The following TTBK2 variants were observed in gnomAD, a reference collection of about 807,000 sequenced individuals.
TTBK2 encodes tau tubulin kinase 2.
In TTBK2, 28 loss-of-function variants were observed where a neutral mutation model predicts 110.8. The ratio of observed to expected loss-of-function variants is 0.25; its 90% CI spans 0.19 to 0.35. The LOEUF (loss-of-function observed/expected upper bound fraction) is 0.35, where lower values mean the gene tolerates loss of function less well. Ranked by LOEUF, TTBK2 falls within the 10% of genes least tolerant of loss-of-function variation. The pLI is 1.00. For missense variants in TTBK2, 1,369 were observed against 1,500.3 expected (o/e 0.91, Z 1.45); for synonymous variants, 532 against 527.3 (o/e 1.01, Z -0.12).
chr15:42,787,545 G>C (rs1261400815), intron 10 of TTBK2, among the ~76,000 whole-genome samples: 2 of 152,166 alleles, frequency 1.3e-5, no homozygotes, highest in African/African-American at 2.4e-5. Flanking sequence ...ACACAGTGCT[G>C]ACATAGTTGC....
At chr15:42,817,153 G>A in intron 6 of TTBK2, 56 bp from the exon 7 acceptor site, 4 of 1,474,236 alleles carry the variant, frequency 2.7e-6, no homozygotes, top group Non-Finnish European at 2.8e-6. Flanking sequence ...AATACATTCA[G>A]CACACTTGAA....
intron 4 of TTBK2, 83 bp downstream of exon 4, chr15:42,840,277 G>A: frequency 8.5e-7 from 1 of 1,181,372 alleles, no homozygotes; most frequent in Non-Finnish European, 1.3e-6. Flanking sequence ...TAAGATTGTT[G>A]TTACTTTTTA....
chr15:42,905,801 T>C (rs2141200254), intron 1 of TTBK2, among the ~76,000 whole-genome samples: 1 of 151,968 alleles, frequency 6.6e-6, no homozygotes, highest in Non-Finnish European at 1.5e-5. Context: ...TCCTCATCTA[T>C]TAAAAAAAAG....
At chr15:42,883,574 TA>T (rs1008743932) in intron 1 of TTBK2, among the ~76,000 whole-genome samples, 2 of 151,614 alleles carry the variant, frequency 1.3e-5, no homozygotes, top group African/African-American at 4.8e-5. Context: ...GCAACCGCTT[TA>T]AAAACTACAC....
At chr15:42,750,726 A>G (rs543319459) in intron 14 of TTBK2, among the ~76,000 whole-genome samples, 6 of 152,316 alleles carry the variant, frequency 3.9e-5, no homozygotes, top group African/African-American at 1.2e-4. Context: ...AAACTCCCCA[A>G]AAGTCATAAG....
chr15:42,806,687 G>A (rs1891482576), intron 9 of TTBK2, among the ~76,000 whole-genome samples: 1 of 152,058 alleles, frequency 6.6e-6, no homozygotes, highest in South Asian at 2.1e-4. Context: ...TCTTCACATG[G>A]CCAACACAAT....
intron 1 of TTBK2, among the ~76,000 whole-genome samples, chr15:42,890,893 A>C (rs138401644): frequency 6.6e-6 from 1 of 152,202 alleles, no homozygotes; most frequent in Non-Finnish European, 1.5e-5. Flanking sequence ...TTTGAGATGG[A>C]GTCTCACTCC....
chr15:42,758,029 C>T (rs1567005420), intron 13 of TTBK2, among the ~76,000 whole-genome samples: 1 of 152,200 alleles, frequency 6.6e-6, no homozygotes, highest in Non-Finnish European at 1.5e-5. Flanking sequence ...CAATGAGCTG[C>T]AAACCAACTA....
chr15:42,827,665 C>T (rs998365882), intron 6 of TTBK2, among the ~76,000 whole-genome samples: 8 of 152,186 alleles, frequency 5.3e-5, no homozygotes, highest in Middle Eastern at 6.8e-3. Context: ...GGGTCTCATA[C>T]TGCAAAAATG....
intron 1 of TTBK2, among the ~76,000 whole-genome samples, chr15:42,895,387 T>C (rs1053048431): frequency 1.3e-5 from 2 of 152,086 alleles, no homozygotes; most frequent in South Asian, 2.1e-4. Context: ...AAACTACCTA[T>C]TGGATACTAT....
chr15:42,895,044 G>A (rs1466942418), intron 1 of TTBK2, among the ~76,000 whole-genome samples: 1 of 151,940 alleles, frequency 6.6e-6, no homozygotes, highest in Admixed American at 6.6e-5. Flanking sequence ...AGCAAACTAG[G>A]AATAGAAGAG....
intron 6 of TTBK2, among the ~76,000 whole-genome samples, chr15:42,825,364 C>A (rs959359935): frequency 2.0e-5 from 3 of 152,160 alleles, no homozygotes; most frequent in African/African-American, 7.2e-5. Context: ...ATGTCAAGGG[C>A]TGCACTGGGT....
chr15:42,749,456 C>T (rs1219254226), intron 14 of TTBK2, among the ~76,000 whole-genome samples: 1 of 152,170 alleles, frequency 6.6e-6, no homozygotes, highest in Admixed American at 6.5e-5. Context: ...GCTACCCATC[C>T]CCCATTCCCG....
At chr15:42,806,415 C>T (rs887374061) in intron 9 of TTBK2, among the ~76,000 whole-genome samples, 1 of 152,188 alleles carries the variant, frequency 6.6e-6, no homozygotes, top group African/African-American at 2.4e-5. Flanking sequence ...CCTCTTAAAG[C>T]ACAAATTGGA....
intron 11 of TTBK2, among the ~76,000 whole-genome samples, chr15:42,781,952 T>A (rs779035333): frequency 6.6e-6 from 1 of 152,168 alleles, no homozygotes; most frequent in Non-Finnish European, 1.5e-5. Context: ...ATATATGAAA[T>A]CTTTTATATA....
At chr15:42,756,882 A>G (rs571493014) in intron 13 of TTBK2, among the ~76,000 whole-genome samples, 1 of 152,160 alleles carries the variant, frequency 6.6e-6, no homozygotes, top group South Asian at 2.1e-4. Flanking sequence ...AACAAAAACA[A>G]AAACAAAAAC....
At chr15:42,772,723 A>G (rs1406545363) in intron 13 of TTBK2, among the ~76,000 whole-genome samples, 1 of 152,068 alleles carries the variant, frequency 6.6e-6, no homozygotes. Context: ...GAGGTAGGAG[A>G]ATCTCTGGAC....
intron 1 of TTBK2, among the ~76,000 whole-genome samples, chr15:42,890,339 T>C (rs1895407831): frequency 6.6e-6 from 1 of 152,202 alleles, no homozygotes; most frequent in Non-Finnish European, 1.5e-5. Context: ...GGCCTCTTCA[T>C]ATGGACATGA....
At chr15:42,851,537 G>C (rs1893712151) in intron 3 of TTBK2, among the ~76,000 whole-genome samples, 1 of 152,074 alleles carries the variant, frequency 6.6e-6, no homozygotes, top group South Asian at 2.1e-4. Context: ...CTGAATTTAA[G>C]GGACACAGTG....
Sources: gnomAD v4.1 joint callset for allele counts (sites outside exome capture counted in the v4.1 genomes callset) on GRCh38, gnomAD v4.1.1 for gene constraint, MANE v1.5 for transcripts, NCBI Gene and HGNC (gene_info 2026-07-23, HGNC 2026-07-21) for gene names.